RIT1: variants seen among roughly 807,000 people sequenced by gnomAD.
The protein encoded by RIT1 is GTP-binding protein Rit1.
RIT1 carries 6 observed loss-of-function variants against 25.6 expected under a neutral mutation model. The ratio of observed to expected loss-of-function variants is 0.23; its 90% CI spans 0.13 to 0.46. The LOEUF is 0.46. Ranked by LOEUF, RIT1 falls within the 20% of genes least tolerant of loss-of-function variation. The probability of loss-of-function intolerance (pLI) is 0.99; values close to 1 mark genes in which losing one functional copy is unlikely to be tolerated. For missense variants in RIT1, 219 were observed against 284.4 expected (o/e 0.77, Z 1.65); for synonymous variants, 81 against 94.1 (o/e 0.86, Z 0.80).
At chr1:155,902,611 G>A (rs1389443283) in intron 5 of RIT1, among the ~76,000 whole-genome samples, 5 of 151,830 alleles carry the variant, frequency 3.3e-5, no homozygotes, top group Non-Finnish European at 7.4e-5. Context: ...GGAGGCCAAG[G>A]TAGGTGGATC....
Position 155,899,262 on chromosome 1 carries a change from A to C in RIT1, c.*1126T>G, listed in dbSNP as rs1356908183. Reference sequence around the variant, plus strand: ...GAACTTAGCAAAGTCCTTGTAAAGAAATCTTCAGATGGGAAACTCCACCTA... The same window carrying C: ...GAACTTAGCAAAGTCCTTGTAAAGACATCTTCAGATGGGAAACTCCACCTA... On this transcript the variant is annotated 3_prime_UTR_variant, in exon 6 of 6. Transcript: ENST00000368323. 2 of 205,584 alleles carry C rather than the reference A, an allele frequency of 9.7e-6. No homozygotes were observed. The highest frequency in any genetic ancestry group is 2.0e-5 in the Non-Finnish European group (2 of 100,168). The allele number at this position is 205,584 out of a possible 1,614,324, so 12.7% of individuals were successfully genotyped here. A position where few individuals can be genotyped will look rare whatever the true frequency, so the allele number is the denominator to read the frequency against.
rs1398775049 is a variant in RIT1 at position 155,908,560 on chromosome 1, CA to C, written c.163+1889del. Among the ~76,000 whole-genome samples, 50 of 149,780 alleles carry C rather than the reference CA, an allele frequency of 3.3e-4. 1 individual carries two copies. The East Asian group carries it at 9.4e-3, about 28-fold the overall frequency. Reference sequence around the variant, plus strand: ...TCCCGCCATAATTTGAATCTCTGAACAATTTTTTTTTTTTTTTTTGAGACAA... The same window carrying C: ...TCCCGCCATAATTTGAATCTCTGAACATTTTTTTTTTTTTTTTTGAGACAA... On this transcript the variant is annotated intron_variant, in intron 3 of 5. Coordinates refer to ENST00000368323, the MANE Select transcript of RIT1 (RefSeq NM_006912.6).
chr1:155,904,206 T>G, intron 5 of RIT1, 105 bp downstream of exon 5: 1 of 911,900 alleles, frequency 1.1e-6, no homozygotes, highest in Non-Finnish European at 1.7e-6. Flanking sequence ...GATTTTCTAT[T>G]TTAAGGCAAA....
intron 5 of RIT1, among the ~76,000 whole-genome samples, chr1:155,901,747 G>A (rs1310658289): frequency 6.6e-6 from 1 of 152,078 alleles, no homozygotes; most frequent in Non-Finnish European, 1.5e-5. Flanking sequence ...GAGCCCAGGA[G>A]GTCAAGGCTG....
At chr1:155,903,477 A>C (rs1673360259) in intron 5 of RIT1, among the ~76,000 whole-genome samples, 1 of 148,694 alleles carries the variant, frequency 6.7e-6, no homozygotes, top group Non-Finnish European at 1.5e-5. Context: ...AAAAAAAAGA[A>C]AGAAACACAA....
rs368560843 is a variant in RIT1, at chr1:155,900,393, T to G, written c.655A>C (p.Thr219Pro). Residue 219 changes from threonine to proline, a missense_variant, in exon 6 of 6, where the codon ACT becomes CCT. Thr to Pro is a conservative substitution (Grantham distance 38). Coordinates refer to ENST00000368323, the MANE Select transcript of RIT1 (RefSeq NM_006912.6). ...AAACACTTCACATCTTCTCTTCAAG[T>G]TACTGAATCTTTCTTCTTCCGGAAT... ...SPFRKKKDSV[T>P] is the part of the protein sequence containing the mutation. The G allele has an allele frequency of 7.4e-6, 12 of 1,612,164 alleles. No homozygotes were observed. Among genetic ancestry groups the G allele is most frequent in the African/African-American group, 1.3e-5 (1 of 74,866 alleles).
rs775310783 is a variant in RIT1 at position 155,910,754 on chromosome 1, G to A, written c.8C>T (p.Ser3Phe). The A allele has an allele frequency of 6.2e-7, 1 of 1,614,270 alleles. No individual in the cohort carries two copies. Among genetic ancestry groups the A allele is most frequent in the South Asian group, 1.1e-5 (1 of 91,092 alleles). Reference protein sequence around the residue: MDSGTRPVGSCCS... With the variant: MDFGTRPVGSCCS... Reference sequence around the variant, plus strand: ...GCAGCTACCAACTGGGCGAGTTCCAGAATCCATTGTCCTCTTGGGGCCTTC... The same window carrying A: ...GCAGCTACCAACTGGGCGAGTTCCAAAATCCATTGTCCTCTTGGGGCCTTC... Residue 3 changes from serine (S) to phenylalanine (F), a missense_variant, in exon 2 of 6, where the codon TCT becomes TTT. Ser to Phe is a radical substitution (Grantham distance 155, BLOSUM62 -2). Around this residue, in one of 3 missense-constraint regions of RIT1, gnomAD observed 131 missense variants for 173.6 expected, o/e 0.75. Coordinates refer to ENST00000368323, the MANE Select transcript of RIT1 (RefSeq NM_006912.6).
At position 155,898,002 on chromosome 1, in the gene RIT1, A is replaced by T. The variant is rs1673220552; in HGVS notation, c.*2386T>A. On this transcript the variant is annotated 3_prime_UTR_variant, in exon 6 of 6. Transcript: ENST00000368323. ...CACTAACATCTGGATCTTATAATTT[A>T]CCGGTCTGGTATGGACATGAACAGT... is the stretch of plus-strand genomic sequence containing the variant. The T allele has an allele frequency of 6.6e-6, 1 of 152,300 alleles. No individual in the cohort carries two copies. Among genetic ancestry groups the T allele is most frequent in the African/African-American group, 2.4e-5 (1 of 41,426 alleles). 9.4% of individuals were successfully genotyped at this position (152,300 alleles called of 1,614,324 possible).
intron 3 of RIT1, among the ~76,000 whole-genome samples, chr1:155,906,935 AT>A (rs1673455633): frequency 6.6e-6 from 1 of 151,910 alleles, no homozygotes; most frequent in African/African-American, 2.4e-5. Flanking sequence ...GCGAGACCTC[AT>A]CTCTACTAAA....
intron 5 of RIT1, among the ~76,000 whole-genome samples, chr1:155,902,021 GAA>G (rs1673321734): frequency 6.6e-6 from 1 of 152,146 alleles, no homozygotes; most frequent in South Asian, 2.1e-4. Flanking sequence ...ATCTAATTGG[GAA>G]AAGAGTTGAG....
Position 155,897,919 on chromosome 1 carries a change from AAT to A in RIT1, c.*2467_*2468del, listed in dbSNP as rs1361640873. ...ACATCACAGTAGACCAATTCTTGCT[AAT>A]ATATGACAAAGTTAAAACATATGTC... On this transcript the variant is annotated 3_prime_UTR_variant, in exon 6 of 6. Coordinates refer to ENST00000368323, the MANE Select transcript of RIT1 (RefSeq NM_006912.6). 1 of 152,220 alleles carries A rather than the reference AAT, an allele frequency of 6.6e-6. No homozygotes were observed. The highest frequency in any genetic ancestry group is 6.6e-5 in the Admixed American group (1 of 15,256). The allele number at this position is 152,220 out of a possible 1,614,324, so 9.4% of individuals were successfully genotyped here.
intron 5 of RIT1, among the ~76,000 whole-genome samples, chr1:155,901,755 C>T (rs942526134): frequency 6.6e-6 from 1 of 151,842 alleles, no homozygotes; most frequent in African/African-American, 2.4e-5. Context: ...GAGGTCAAGG[C>T]TGCGGTAAGC....
chr1:155,910,891 T>C, intron 1 of RIT1, 87 bp from the exon 2 acceptor site: 1 of 1,569,408 alleles, frequency 6.4e-7, no homozygotes, highest in Non-Finnish European at 8.6e-7. Context: ...TCCATACATA[T>C]TCTGGCCTGT....
rs1377021417 is a variant in RIT1 at position 155,898,493 on chromosome 1, A to T, written c.*1895T>A. 8.5e-4 allele frequency: 11 copies of T among 12,972 alleles called. No individual in the cohort carries two copies. The South Asian group carries it at 0.014, about 17-fold the overall frequency. The allele number at this position is 12,972 out of a possible 1,614,324, so 0.8% of individuals were successfully genotyped here. The stretch of plus-strand genomic sequence containing the variant: ...ACATAGTGAAACCTCATCTCTATTT[A>T]AAAAAAAAAAAAAAAAAAAAAAAAA... On this transcript the variant is annotated 3_prime_UTR_variant, in exon 6 of 6. Transcript: ENST00000368323.
rs1285877505 is a variant in RIT1 at position 155,910,257 on chromosome 1, G to A, written c.163+193C>T. The A allele has an allele frequency of 6.9e-6, 4 of 583,160 alleles. No individual in the cohort carries two copies. In the East Asian group the frequency reaches 1.1e-4, roughly 17 times the overall value. 36.1% of individuals were successfully genotyped at this position (583,160 alleles called of 1,614,324 possible). A position where few individuals can be genotyped will look rare whatever the true frequency, so the allele number is the denominator to read the frequency against. On this transcript the variant is annotated intron_variant, in intron 3 of 5. Transcript: ENST00000368323. ...TGTTCAGTAAGAGACAAAGACTAAA[G>A]ATGGCTTATGACATAAAGTCTGAAA...
chr1:155,904,009 C>T (rs1673374738), intron 5 of RIT1, among the ~76,000 whole-genome samples: 1 of 152,182 alleles, frequency 6.6e-6, no homozygotes, highest in Non-Finnish European at 1.5e-5. Context: ...AGGGATCCTC[C>T]CACCTCAGCC....
chr1:155,900,882 G>T (rs550583484), intron 5 of RIT1, among the ~76,000 whole-genome samples: 148 of 152,256 alleles, frequency 9.7e-4, no homozygotes, highest in African/African-American at 3.3e-3. Flanking sequence ...GCAATGGCAT[G>T]ATTGTGGCTC....
intron 5 of RIT1, among the ~76,000 whole-genome samples, chr1:155,903,452 CAAAA>C (rs1192641376): frequency 3.7e-5 from 2 of 53,732 alleles, no homozygotes; most frequent in South Asian, 1.6e-3. Flanking sequence ...GACTCTGTCT[CAAAA>C]AAAAAAAAAA....
intron 3 of RIT1, among the ~76,000 whole-genome samples, chr1:155,905,301 A>G (rs768134971): frequency 6.6e-6 from 1 of 151,666 alleles, no homozygotes; most frequent in African/African-American, 2.4e-5. Flanking sequence ...GGCTCCAGTG[A>G]TTCTCCCACC....
Sources: gnomAD v4.1 joint callset for allele counts (sites outside exome capture counted in the v4.1 genomes callset) on GRCh38, gnomAD v4.1.1 for gene constraint, gnomAD v4.1.1 regional missense constraint, MANE v1.5 for transcripts, NCBI Gene and HGNC (gene_info 2026-07-23, HGNC 2026-07-21) for gene names.